Variants in SPMIP7 observed in about 807,000 individuals in gnomAD.
SPMIP7 encodes the protein protein SPMIP7.
chr7:50,120,944 G>T, the SPMIP7 span, among the ~76,000 whole-genome samples: 1 of 152,096 alleles, frequency 6.6e-6, no homozygotes, highest in African/African-American at 2.4e-5. Context: ...TGATGAGTTT[G>T]GTTCGCAGAG....
chr7:50,155,126 C>G, the SPMIP7 span, among the ~76,000 whole-genome samples: 1 of 152,200 alleles, frequency 6.6e-6, no homozygotes, highest in African/African-American at 2.4e-5. Context: ...ATATTTTCCC[C>G]CAGTCTGTAG....
At chr7:50,128,115 A>G in the SPMIP7 span, among the ~76,000 whole-genome samples, 9 of 121,620 alleles carry the variant, frequency 7.4e-5, no homozygotes, top group African/African-American at 2.3e-4. Flanking sequence ...TATATACACA[A>G]TGGAATATTA....
the SPMIP7 span, among the ~76,000 whole-genome samples, chr7:50,119,763 T>A: frequency 2.6e-5 from 4 of 152,204 alleles, no homozygotes; most frequent in Non-Finnish European, 4.4e-5. Flanking sequence ...AAAGGTATGT[T>A]GTGCTTCCGA....
At chr7:50,155,816 G>C in the SPMIP7 span, among the ~76,000 whole-genome samples, 1 of 152,284 alleles carries the variant, frequency 6.6e-6, no homozygotes, top group Non-Finnish European at 1.5e-5. Context: ...TACACACATG[G>C]CTGTCATCCA....
At chr7:50,129,764 G>T in the SPMIP7 span, 24 of 1,548,826 alleles carry the variant, frequency 1.5e-5, no homozygotes, top group Admixed American at 3.9e-5. Context: ...GTAATGCAAA[G>T]GACTCATTTT....
At chr7:50,096,710 AT>A in the SPMIP7 span, 1 of 1,189,844 alleles carries the variant, frequency 8.4e-7, no homozygotes, top group Non-Finnish European at 1.1e-6. Context: ...AAGATTCAAT[AT>A]TTAGGCAGTT....
chr7:50,132,754 C>T, the SPMIP7 span, among the ~76,000 whole-genome samples: 54 of 152,246 alleles, frequency 3.5e-4, no homozygotes, highest in Admixed American at 1.2e-3. Context: ...TAAATGTATT[C>T]ACACACAACA....
chr7:50,151,686 A>T, the SPMIP7 span: 1 of 657,452 alleles, frequency 1.5e-6, no homozygotes, highest in Non-Finnish European at 2.4e-6. Context: ...ATGTGGCATC[A>T]AGTCCGAAAC....
the SPMIP7 span, chr7:50,104,297 T>A: frequency 7.1e-7 from 1 of 1,405,920 alleles, no homozygotes; most frequent in Non-Finnish European, 9.6e-7. Context: ...TCCCATTCGC[T>A]TTTTTTGTGT....
chr7:50,096,374 C>T, the SPMIP7 span: 1 of 1,552,112 alleles, frequency 6.4e-7, no homozygotes, highest in East Asian at 2.4e-5. Flanking sequence ...ATTATTTCCA[C>T]TTCGGGATGA....
the SPMIP7 span, among the ~76,000 whole-genome samples, chr7:50,125,387 C>CAT: frequency 7.6e-5 from 11 of 144,628 alleles, no homozygotes; most frequent in Admixed American, 3.5e-4. Flanking sequence ...CATATACACA[C>CAT]ATATATATAT....
At chr7:50,104,067 A>C in the SPMIP7 span, among the ~76,000 whole-genome samples, 2 of 152,208 alleles carry the variant, frequency 1.3e-5, no homozygotes, top group Non-Finnish European at 2.9e-5. Flanking sequence ...GTATAGTACC[A>C]AATAGGTATC....
At chr7:50,122,864 G>A in the SPMIP7 span, among the ~76,000 whole-genome samples, 1 of 152,136 alleles carries the variant, frequency 6.6e-6, no homozygotes, top group Admixed American at 6.5e-5. Context: ...AAACCACAAT[G>A]AGATACCATT....
At chr7:50,121,916 CAA>C in the SPMIP7 span, among the ~76,000 whole-genome samples, 3 of 152,074 alleles carry the variant, frequency 2.0e-5, no homozygotes, top group African/African-American at 7.2e-5. Flanking sequence ...CTCGACCTCC[CAA>C]AGTGCTGGGA....
At chr7:50,139,010 T>A in the SPMIP7 span, among the ~76,000 whole-genome samples, 1 of 152,194 alleles carries the variant, frequency 6.6e-6, no homozygotes, top group African/African-American at 2.4e-5. Context: ...CTCCAACGTG[T>A]AAATTGAATG....
the SPMIP7 span, among the ~76,000 whole-genome samples, chr7:50,145,104 A>G: frequency 6.6e-6 from 1 of 151,792 alleles, no homozygotes; most frequent in African/African-American, 2.4e-5. Context: ...TCTACTAAAA[A>G]ACACAAAAAT....
At chr7:50,158,954 C>T in the SPMIP7 span, 1 of 1,359,030 alleles carries the variant, frequency 7.4e-7, no homozygotes. Flanking sequence ...CCTCCCCTTC[C>T]CGCACAGGGG....
the SPMIP7 span, among the ~76,000 whole-genome samples, chr7:50,136,386 C>T: frequency 1.3e-5 from 2 of 152,150 alleles, no homozygotes; most frequent in Non-Finnish European, 2.9e-5. Flanking sequence ...TACCCTAACC[C>T]TAACATGGTG....
chr7:50,144,916 G>A, the SPMIP7 span, among the ~76,000 whole-genome samples: 1 of 151,666 alleles, frequency 6.6e-6, no homozygotes, highest in East Asian at 1.9e-4. Flanking sequence ...AAATTCATCC[G>A]CACTTATAAT....
Sources: gnomAD v4.1 joint callset for allele counts (sites outside exome capture counted in the v4.1 genomes callset) on GRCh38, gnomAD v4.1.1 for gene constraint, MANE v1.5 for transcripts, NCBI Gene and HGNC (gene_info 2026-07-23, HGNC 2026-07-21) for gene names.